The following UBE4B variants were observed in gnomAD, a reference collection of about 807,000 sequenced individuals.
UBE4B encodes ubiquitin conjugation factor E4 B.
Under a neutral mutation model 148.1 loss-of-function variants are expected in UBE4B, and 27 were observed. The ratio of observed to expected loss-of-function variants is 0.18; its 90% CI spans 0.13 to 0.25. The LOEUF is 0.25. UBE4B is among the 10% of genes least tolerant of loss of function. The pLI, the probability that UBE4B is intolerant of heterozygous loss-of-function variation, is 1.00. For missense variants in UBE4B, 1,170 were observed against 1,662.4 expected (o/e 0.70, Z 5.15); for synonymous variants, 596 against 619.3 (o/e 0.96, Z 0.56).
chr1:10,113,511 C>T (rs191153235), intron 7 of UBE4B, among the ~76,000 whole-genome samples: 3 of 152,198 alleles, frequency 2.0e-5, no homozygotes, highest in African/African-American at 7.2e-5. Flanking sequence ...AAGCAATCGT[C>T]TACATAGTCT....
At chr1:10,147,316 A>G (rs1445959439) in intron 19 of UBE4B, among the ~76,000 whole-genome samples, 1 of 152,102 alleles carries the variant, frequency 6.6e-6, no homozygotes, top group Non-Finnish European at 1.5e-5. Flanking sequence ...AACATGGCGA[A>G]ACCGTGTCTC....
chr1:10,142,596 G>A (rs113845351), intron 17 of UBE4B, among the ~76,000 whole-genome samples: 1,943 of 152,182 alleles, frequency 0.013, 10 homozygotes, highest in Middle Eastern at 0.027. Context: ...GCTTGAACAC[G>A]GGAGACGGAG....
At chr1:10,148,677 C>T (rs1424078777) in intron 19 of UBE4B, among the ~76,000 whole-genome samples, 4 of 148,216 alleles carry the variant, frequency 2.7e-5, no homozygotes, top group African/African-American at 1.0e-4. Flanking sequence ...TGGTGGCTCA[C>T]ACCTGTAATC....
chr1:10,136,495 A>AG (rs1557586740), intron 16 of UBE4B, among the ~76,000 whole-genome samples: 2 of 152,058 alleles, frequency 1.3e-5, no homozygotes, highest in African/African-American at 4.8e-5. Context: ...AAAAAAAAAA[A>AG]AAAAAAGATT....
At chr1:10,160,803 C>T (rs921546335) in intron 22 of UBE4B, among the ~76,000 whole-genome samples, 3 of 151,906 alleles carry the variant, frequency 2.0e-5, no homozygotes, top group African/African-American at 7.3e-5. Context: ...AAAAGCTGGG[C>T]GTGGTGGTGT....
intron 18 of UBE4B, chr1:10,145,254 T>C (rs1404537055): frequency 5.4e-6 from 2 of 367,762 alleles, no homozygotes; most frequent in Non-Finnish European, 9.8e-6. Context: ...ATAGATATGC[T>C]TCTGCTGTGA....
intron 2 of UBE4B, chr1:10,072,510 T>G (rs1371360969): frequency 1.4e-6 from 1 of 714,752 alleles, no homozygotes; most frequent in Non-Finnish European, 2.6e-6. Flanking sequence ...TTCTGCTGAT[T>G]TTATGAATTT....
At chr1:10,141,307 T>C (rs1034698451) in intron 17 of UBE4B, among the ~76,000 whole-genome samples, 7 of 152,094 alleles carry the variant, frequency 4.6e-5, no homozygotes, top group Non-Finnish European at 1.0e-4. Context: ...TCCAGTGTCA[T>C]TGCAAAGGTC....
At chr1:10,105,863 A>G (rs2101894139) in intron 6 of UBE4B, 119 bp downstream of exon 6, 1 of 1,065,370 alleles carries the variant, frequency 9.4e-7, no homozygotes, top group Non-Finnish European at 1.3e-6. Context: ...CATATATCAT[A>G]TTTGGGGAGG....
At position 10,171,461 on chromosome 1, in the gene UBE4B, T is replaced by G. The variant is rs546597586; in HGVS notation, c.3525+132T>G. ...TTTCCTTTGAGTGTGAAGAGCAGAT[T>G]TGGGCTGGGCGCGGTGGCTCAGGCC... On this transcript the variant is annotated intron_variant, in intron 25 of 27. Coordinates refer to ENST00000343090, the MANE Select transcript of UBE4B (RefSeq NM_001105562.3). 5.6e-4 allele frequency: 659 copies of G among 1,175,164 alleles called. 1 individual carries two copies. The highest frequency in any genetic ancestry group is 7.6e-4 in the Non-Finnish European group (637 of 842,464). 72.8% of individuals were successfully genotyped at this position (1,175,164 alleles called of 1,614,324 possible).
intron 1 of UBE4B, among the ~76,000 whole-genome samples, chr1:10,062,573 A>G (rs1045929468): frequency 6.6e-6 from 1 of 152,072 alleles, no homozygotes; most frequent in Non-Finnish European, 1.5e-5. Context: ...TTGGCTCCCA[A>G]AGTGTTGGGG....
At chr1:10,046,328 A>T (rs976684636) in intron 1 of UBE4B, among the ~76,000 whole-genome samples, 3 of 152,176 alleles carry the variant, frequency 2.0e-5, no homozygotes, top group African/African-American at 7.2e-5. Context: ...CTCCCGAGGG[A>T]GACAACCCCG....
intron 5 of UBE4B, among the ~76,000 whole-genome samples, chr1:10,104,828 A>G (rs1228635663): frequency 1.3e-5 from 2 of 152,246 alleles, no homozygotes; most frequent in Non-Finnish European, 2.9e-5. Flanking sequence ...GTTAAGTGGC[A>G]ACTCTGTCTT....
chr1:10,134,094 A>C (rs927269035), intron 15 of UBE4B, among the ~76,000 whole-genome samples: 1 of 151,922 alleles, frequency 6.6e-6, no homozygotes. Context: ...TTGTGTTTCT[A>C]CTTACTAATT....
In UBE4B at chr1:10,166,977, A is replaced by C. The variant is rs1469358853; in HGVS notation, c.3199-1159A>C. On this transcript the variant is annotated intron_variant, in intron 23 of 27. Coordinates refer to ENST00000343090, the MANE Select transcript of UBE4B (RefSeq NM_001105562.3). ...CACACACACACACACACACAAAAAAAAAAAATTAGCTGGGCATGGTGGTCC... is the reference window on the plus strand; with the variant it reads ...CACACACACACACACACACAAAAAACAAAAATTAGCTGGGCATGGTGGTCC... Among the ~76,000 whole-genome samples, 959 of 143,768 alleles carry C rather than the reference A, an allele frequency of 6.7e-3. 14 individuals are homozygous for C. The highest frequency in any genetic ancestry group is 0.026 in the African/African-American group (899 of 35,204). The allele number at this position is 143,768 out of a possible 152,430, so 94.3% of individuals were successfully genotyped here. A position where few individuals can be genotyped will look rare whatever the true frequency, so the allele number is the denominator to read the frequency against.
At chr1:10,097,801 CTT>C (rs1644952786) in intron 3 of UBE4B, among the ~76,000 whole-genome samples, 1 of 152,024 alleles carries the variant, frequency 6.6e-6, no homozygotes, top group African/African-American at 2.4e-5. Flanking sequence ...CAGAGTGAGA[CTT>C]TGTCTCAAAA....
At chr1:10,145,186 T>G in intron 18 of UBE4B, 147 bp downstream of exon 18, 1 of 560,604 alleles carries the variant, frequency 1.8e-6, no homozygotes, top group Non-Finnish European at 3.1e-6. Context: ...ATTTTAAAAC[T>G]TGTTGATACC....
rs773201779 is a variant in UBE4B, at chr1:10,161,737, GT to G, written c.3198+453del. On this transcript the variant is annotated intron_variant, in intron 23 of 27. Coordinates refer to ENST00000343090, the MANE Select transcript of UBE4B (RefSeq NM_001105562.3). The surrounding 1 kb of genome is among the most constrained non-coding windows in gnomAD (Gnocchi z 4.1). ...CAGTTGATCTTGGGTTTTATATTCA[GT>G]TATTAATAGAAAAGAGGCCTGGCTT... Among the ~76,000 whole-genome samples, 7 of 152,146 alleles carry G rather than the reference GT, an allele frequency of 4.6e-5. No individual in the cohort carries two copies. The highest frequency in any genetic ancestry group is 7.2e-5 in the African/African-American group (3 of 41,436).
chr1:10,062,801 A>G (rs934030740), intron 1 of UBE4B, among the ~76,000 whole-genome samples: 2 of 151,874 alleles, frequency 1.3e-5, no homozygotes, highest in Non-Finnish European at 2.9e-5. Flanking sequence ...TACTAAAAAT[A>G]CAAAATTAGC....
Sources: allele counts gnomAD v4.1 joint callset (sites outside exome capture counted in the v4.1 genomes callset), GRCh38; gene constraint gnomAD v4.1.1; non-coding constraint Gnocchi (gnomAD v3.1); transcripts MANE v1.5; gene names NCBI Gene and HGNC (gene_info 2026-07-23, HGNC 2026-07-21).